ITGB2: variants seen among roughly 807,000 people sequenced by gnomAD.
ITGB2 encodes the protein integrin beta-2.
In ITGB2, 56 loss-of-function variants were observed where a neutral mutation model predicts 86.8. The observed-to-expected ratio is 0.65, with a 90% confidence interval of 0.52 to 0.81. The LOEUF is 0.81. Among genes scored for constraint, ITGB2 ranks in the 30% least tolerant of loss-of-function variants. The pLI, the probability that ITGB2 is intolerant of heterozygous loss-of-function variation, is 0.00. For synonymous variants in ITGB2, 457 were observed against 450.4 expected, an observed-to-expected ratio of 1.01 and a Z score of -0.19; for missense variants, 948 against 1,061.2, an observed-to-expected ratio of 0.89 and a Z score of 1.48.
At chr21:44,889,796 G>A (rs548310536) in intron 12 of ITGB2, among the ~76,000 whole-genome samples, 182 bp downstream of exon 12, 1 of 152,218 alleles carries the variant, frequency 6.6e-6, no homozygotes, top group Non-Finnish European at 1.5e-5. Flanking sequence ...AGAAACTGAG[G>A]CAGGGCGGGG....
chr21:44,894,494 A>C, intron 9 of ITGB2: 1 of 234,616 alleles, frequency 4.3e-6, no homozygotes, highest in Non-Finnish European at 8.6e-6. Context: ...GTGCAGCTCG[A>C]TGGGCCGTGC....
At chr21:44,894,832 C>T (rs571145292) in intron 9 of ITGB2, 139 bp downstream of exon 9, 12 of 713,918 alleles carry the variant, frequency 1.7e-5, no homozygotes, top group Non-Finnish European at 2.5e-5. Context: ...GAGGGCAGGT[C>T]GGGAGGCTGC....
intron 4 of ITGB2, among the ~76,000 whole-genome samples, chr21:44,903,936 C>A (rs1316296062): frequency 6.6e-6 from 1 of 152,178 alleles, no homozygotes; most frequent in Non-Finnish European, 1.5e-5. Flanking sequence ...ATCACACGAA[C>A]CTGGCACTTC....
At chr21:44,918,459 A>C (rs984664351) in intron 1 of ITGB2, among the ~76,000 whole-genome samples, 1 of 152,216 alleles carries the variant, frequency 6.6e-6, no homozygotes, top group Non-Finnish European at 1.5e-5. Flanking sequence ...TTCAAGTTAC[A>C]CGGTTGACTA....
At chr21:44,894,095 G>A (rs995343666) in intron 9 of ITGB2, 3 of 226,358 alleles carry the variant, frequency 1.3e-5, no homozygotes, top group African/African-American at 4.5e-5. Flanking sequence ...GGGGCATCGG[G>A]TGAATGGCCA....
At chr21:44,910,573 G>A (rs2084115636) in intron 2 of ITGB2, 152 bp downstream of exon 2, 4 of 1,381,298 alleles carry the variant, frequency 2.9e-6, no homozygotes, top group Non-Finnish European at 3.0e-6. Context: ...GGCACGTGCG[G>A]AGACGAGGCC....
intron 13 of ITGB2, 90 bp from the exon 14 acceptor site, chr21:44,888,985 G>A (rs887222034): frequency 4.9e-6 from 6 of 1,232,418 alleles, no homozygotes; most frequent in Admixed American, 3.8e-5. Flanking sequence ...CCACCAGGGG[G>A]GGCAGGTGGG....
chr21:44,917,664 A>C (rs1383888018), intron 1 of ITGB2, among the ~76,000 whole-genome samples: 1 of 152,116 alleles, frequency 6.6e-6, no homozygotes. Context: ...GCAGGGGCTG[A>C]GAGCTGCACT....
intron 15 of ITGB2, 53 bp from the exon 16 acceptor site, chr21:44,886,483 A>G (rs2083700420): frequency 6.3e-7 from 1 of 1,578,104 alleles, no homozygotes; most frequent in South Asian, 1.1e-5. Flanking sequence ...TTCAGAGCAG[A>G]ATCTTTCTCC....
At position 44,910,731 on chromosome 21, in the gene ITGB2, C is replaced by A; in HGVS notation, c.52G>T (p.Gly18Trp). 6.2e-7 allele frequency: 1 copy of A among 1,614,004 alleles called. No homozygotes were observed. The highest frequency in any genetic ancestry group is 8.5e-7 in the Non-Finnish European group (1 of 1,179,946). ...LLALVGLLSLGCVLSQECTKF... is the reference protein window; with the variant it reads ...LLALVGLLSLWCVLSQECTKF... ...CGTGGAACACAGAACTCACCGCACC[C>A]GAGGGAGAGCAGCCCCACCAGGGCG... The change falls in exon 2 of 16, where the codon GGG (glycine) becomes TGG (tryptophan). Residue 18 changes from glycine (G) to tryptophan (W), a missense_variant. Gly to Trp is a radical substitution (Grantham distance 184, BLOSUM62 -2). Transcript: ENST00000652462.
In ITGB2 at chr21:44,892,006, A is replaced by T. The variant is rs886057118; in HGVS notation, c.1225-10T>A. 1.5e-5 allele frequency: 24 copies of T among 1,610,788 alleles called. No homozygotes were observed. Among genetic ancestry groups the T allele is most frequent in the Non-Finnish European group, 2.0e-5 (24 of 1,179,762 alleles). On this transcript the variant is annotated splice_polypyrimidine_tract_variant and intron_variant, in intron 10 of 15. Coordinates refer to ENST00000652462, the MANE Select transcript of ITGB2 (RefSeq NM_000211.5). ...TCACCTGGAAGGTGATCTGCAGGGC[A>T]GTGCTGGGCTCAGGTGGGGACCCTC...
intron 1 of ITGB2, among the ~76,000 whole-genome samples, chr21:44,915,175 G>C (rs755469571): frequency 3.9e-5 from 6 of 151,940 alleles, no homozygotes; most frequent in Admixed American, 1.3e-4. Flanking sequence ...AGGCTCCCAC[G>C]ACCACGCCCA....
intron 8 of ITGB2, among the ~76,000 whole-genome samples, chr21:44,897,679 G>A (rs1333739200): frequency 6.6e-6 from 1 of 152,222 alleles, no homozygotes; most frequent in Non-Finnish European, 1.5e-5. Flanking sequence ...GAGCCACCCA[G>A]GGCCCTGTCC....
Position 44,894,988 on chromosome 21 carries a change from T to C in ITGB2, c.1066A>G (p.Ile356Val). ...AGACTCACATTGTAAGCATTCTTAA[T>C]GAGATGGACCACATTGCTGGAGTCC... ...SEDSSNVVHL[I>V]KNAYNKLSSR... is the part of the protein sequence containing the mutation. The change falls in exon 9 of 16, where the codon ATT (isoleucine) becomes GTT (valine). Residue 356 changes from isoleucine to valine, a missense_variant. By Grantham distance (29) the Ile-to-Val change is conservative. Transcript: ENST00000652462. The C allele has an allele frequency of 6.4e-7, 1 of 1,558,680 alleles. No individual in the cohort carries two copies. Among genetic ancestry groups the C allele is most frequent in the Non-Finnish European group, 8.9e-7 (1 of 1,129,764 alleles).
chr21:44,918,931 GGCTAAGCGTCCCCTCTCCCAGCACTCGGA>G (rs1374795754), intron 1 of ITGB2, among the ~76,000 whole-genome samples: 422 of 38,972 alleles, frequency 0.011, no homozygotes, highest in African/African-American at 0.052. Context: ...GCCCTTGGGT[GGCTAAGCGTCCCCTCTCCCAGCACTCGGA>G]GCTGAGCGTC....
chr21:44,910,308 G>C lies in ITGB2; in HGVS notation c.123C>G (p.Pro41=). 2 of 1,614,106 alleles carry C rather than the reference G, an allele frequency of 1.2e-6. No individual in the cohort carries two copies. The highest frequency in any genetic ancestry group is 1.7e-4 in the Middle Eastern group (1 of 6,060). Residue 41 remains proline (P), a synonymous_variant, in exon 3 of 16, where the codon CCC becomes CCG. Transcript: ENST00000652462. ...CCAGCTTCTGGCACCAGGTGCAGCC[G>C]GGCCCCGACTCGATGCATTCCCGGC... ...SSCRECIESG[P]GCTWCQKLNF...
chr21:44,911,160 CCA>C, intron 1 of ITGB2: 1 of 381,722 alleles, frequency 2.6e-6, no homozygotes, highest in Non-Finnish European at 5.0e-6. Flanking sequence ...CATGCACACA[CCA>C]CACATATACA....
chr21:44,896,070 G>C (rs375501239), intron 8 of ITGB2, among the ~76,000 whole-genome samples: 1 of 151,774 alleles, frequency 6.6e-6, no homozygotes, highest in African/African-American at 2.4e-5. Flanking sequence ...GAGTGATCCC[G>C]CCTGCAGTGT....
intron 15 of ITGB2, 64 bp from the exon 16 acceptor site, chr21:44,886,494 C>G (rs952209701): frequency 6.5e-7 from 1 of 1,540,488 alleles, no homozygotes; most frequent in Non-Finnish European, 9.0e-7. Flanking sequence ...ATCTTTCTCC[C>G]TGAGGACACT....
Sources: gnomAD v4.1 joint callset for allele counts (sites outside exome capture counted in the v4.1 genomes callset) on GRCh38, gnomAD v4.1.1 for gene constraint, MANE v1.5 for transcripts, NCBI Gene and HGNC (gene_info 2026-07-23, HGNC 2026-07-21) for gene names.